The following PSME3IP1 variants were observed in gnomAD, a reference collection of about 807,000 sequenced individuals.
PSME3IP1 encodes proteasome activator subunit 3 interacting protein 1, also known as PSME3-interacting protein.
PSME3IP1 carries 13 observed loss-of-function variants against 34.1 expected under a neutral mutation model. The ratio of observed to expected loss-of-function variants is 0.38; its 90% CI spans 0.25 to 0.61. The LOEUF is 0.61. Among genes scored for constraint, PSME3IP1 ranks in the 20% least tolerant of loss-of-function variants. PSME3IP1 has a pLI of 0.60. For missense variants in PSME3IP1, 237 were observed against 301.4 expected, an observed-to-expected ratio of 0.79 and a Z score of 1.58; for synonymous variants, 93 against 114.3, an observed-to-expected ratio of 0.81 and a Z score of 1.19.
intron 4 of PSME3IP1, among the ~76,000 whole-genome samples, chr16:57,168,698 G>A (rs2072192802): frequency 6.6e-6 from 1 of 150,636 alleles, no homozygotes; most frequent in Non-Finnish European, 1.5e-5. Flanking sequence ...AGCTAGTCGG[G>A]AGGCTGAGCC....
chr16:57,170,351 G>A (rs2072424293), intron 4 of PSME3IP1, among the ~76,000 whole-genome samples: 1 of 152,130 alleles, frequency 6.6e-6, no homozygotes, highest in Non-Finnish European at 1.5e-5. Context: ...CCAAAGTGCT[G>A]GAATCAAAGG....
At chr16:57,186,070 C>T (rs761957647), upstream of PSME3IP1, 8 of 985,392 alleles carry the variant, frequency 8.1e-6, no homozygotes, top group Admixed American at 6.1e-5. Flanking sequence ...GCGACGTAAC[C>T]CAATCCGCGG....
In PSME3IP1 at chr16:57,178,840, A is replaced by G. The variant is rs559371333; in HGVS notation, c.-15-4971T>C. ...ACAGCGTTTTTGTTTGAAGAGTCCAATGGCTGTTTATTCTGCAAGAAAGAG... is the reference window on the plus strand; with the variant it reads ...ACAGCGTTTTTGTTTGAAGAGTCCAGTGGCTGTTTATTCTGCAAGAAAGAG... On this transcript the variant is annotated intron_variant, in intron 1 of 6. Transcript: ENST00000309137. 1.2e-4 allele frequency: 122 copies of G among 984,196 alleles called. No homozygotes were observed. The African/African-American group carries it at 1.3e-3, about 10-fold the overall frequency. 61.0% of individuals were successfully genotyped at this position (984,196 alleles called of 1,614,324 possible).
chr16:57,167,289 C>G, intron 4 of PSME3IP1, 63 bp from the exon 5 acceptor site: 2 of 1,588,514 alleles, frequency 1.3e-6, no homozygotes, highest in Non-Finnish European at 1.7e-6. Flanking sequence ...ACCCACTAGC[C>G]CTTCGGCTGT....
rs1460985504 is a variant in PSME3IP1 at position 57,154,039 on chromosome 16, C to T, written c.*251G>A. The T allele has an allele frequency of 6.6e-6, 3 of 454,096 alleles. No individual in the cohort carries two copies. Among genetic ancestry groups the T allele is most frequent in the African/African-American group, 2.0e-5 (1 of 49,784 alleles). The allele number at this position is 454,096 out of a possible 1,614,324, so 28.1% of individuals were successfully genotyped here. On this transcript the variant is annotated 3_prime_UTR_variant, in exon 7 of 7. Transcript: ENST00000309137. This position sits in a 1 kb window ranked among gnomAD's most constrained non-coding sequence, Gnocchi z 4.0. ...GGAACTTCGGCTGGGCCTTGCCCTC[C>T]TCCCAATATCAGTGAGGAAAGTGGC...
chr16:57,167,247 C>T, intron 4 of PSME3IP1, 21 bp from the exon 5 acceptor site: 1 of 1,614,078 alleles, frequency 6.2e-7, no homozygotes, highest in Non-Finnish European at 8.5e-7. Flanking sequence ...AGTTAAGGGT[C>T]AAACTAAGCA....
intron 3 of PSME3IP1, 110 bp from the exon 4 acceptor site, chr16:57,172,482 A>AG (rs1491093415): frequency 1.3e-5 from 15 of 1,174,932 alleles, no homozygotes; most frequent in Non-Finnish European, 1.8e-5. Context: ...TAAAAAAAAA[A>AG]GAACTGGTAA....
chr16:57,155,846 C>A (rs2070455080), intron 6 of PSME3IP1, among the ~76,000 whole-genome samples: 1 of 151,422 alleles, frequency 6.6e-6, no homozygotes, highest in South Asian at 2.1e-4. Flanking sequence ...GTGGTGCATG[C>A]CTGTGGTCCC....
At chr16:57,178,345 C>T (rs1394968430) in intron 1 of PSME3IP1, among the ~76,000 whole-genome samples, 1 of 152,198 alleles carries the variant, frequency 6.6e-6, no homozygotes, top group African/African-American at 2.4e-5. Context: ...ATATGTATTT[C>T]CTTCCTTTGT....
rs377226435 is a variant in PSME3IP1, at chr16:57,153,206, G to A, written c.*1084C>T. On this transcript the variant is annotated 3_prime_UTR_variant, in exon 7 of 7. Transcript: ENST00000309137. ...ATGAGCCCGTTTCCCTTTATGAGAC[G>A]AGGTGGAGCAGTACCTCTAGTTTTT... 2.0e-5 allele frequency: 3 copies of A among 152,332 alleles called. No homozygotes were observed. The highest frequency in any genetic ancestry group is 1.9e-4 in the East Asian group (1 of 5,198). The allele number at this position is 152,332 out of a possible 1,614,324, so 9.4% of individuals were successfully genotyped here.
In PSME3IP1 at chr16:57,154,232, C is replaced by T. The variant is rs2070231453; in HGVS notation, c.*58G>A. On this transcript the variant is annotated 3_prime_UTR_variant, in exon 7 of 7. Coordinates refer to ENST00000309137, the MANE Select transcript of PSME3IP1 (RefSeq NM_024946.4). This position sits in a 1 kb window ranked among gnomAD's most constrained non-coding sequence, Gnocchi z 4.0. The stretch of plus-strand genomic sequence containing the variant: ...TTTTGAGGGACATAATGCCTATAGG[C>T]AGCATGAACGGTCCGATCTACCCTT... The T allele has an allele frequency of 6.8e-7, 1 of 1,472,686 alleles. No homozygotes were observed. The allele number at this position is 1,472,686 out of a possible 1,614,324, so 91.2% of individuals were successfully genotyped here.
chr16:57,181,197 C>T (rs1174286647), intron 1 of PSME3IP1, among the ~76,000 whole-genome samples: 2 of 152,196 alleles, frequency 1.3e-5, no homozygotes, highest in African/African-American at 4.8e-5. Context: ...CTTAGCTGAT[C>T]CTCATTCACA....
chr16:57,158,791 A>G (rs1366000087), intron 6 of PSME3IP1, among the ~76,000 whole-genome samples: 1 of 152,160 alleles, frequency 6.6e-6, no homozygotes, highest in Non-Finnish European at 1.5e-5. Flanking sequence ...TACTTATACA[A>G]CCTAGATGGT....
At position 57,178,476 on chromosome 16, in the gene PSME3IP1, C is replaced by CTA. The variant is rs1228713096; in HGVS notation, c.-15-4608_-15-4607insTA. ...TTATTATTATTAGCACAGTGTCTGG[C>CTA]ATATATTAGGTATTCAAATACTTAC... On this transcript the variant is annotated intron_variant, in intron 1 of 6. Transcript: ENST00000309137. 8 of 821,818 alleles carry CTA rather than the reference C, an allele frequency of 9.7e-6. No homozygotes were observed. The East Asian group carries it at 7.5e-4, about 77-fold the overall frequency. The allele number at this position is 821,818 out of a possible 1,614,324, so 50.9% of individuals were successfully genotyped here. A position where few individuals can be genotyped will look rare whatever the true frequency, so the allele number is the denominator to read the frequency against.
chr16:57,159,075 A>C (rs1184937093), intron 6 of PSME3IP1, among the ~76,000 whole-genome samples: 1 of 152,236 alleles, frequency 6.6e-6, no homozygotes, highest in Non-Finnish European at 1.5e-5. Flanking sequence ...TTAAAGTTCT[A>C]TTTTACATAG....
chr16:57,172,125 G>T, intron 4 of PSME3IP1, 126 bp downstream of exon 4: 1 of 947,350 alleles, frequency 1.1e-6, no homozygotes, highest in Non-Finnish European at 1.6e-6. Flanking sequence ...AGGAATATCA[G>T]TGTTCAAAGG....
chr16:57,161,641 TA>T (rs1325712282), intron 6 of PSME3IP1, among the ~76,000 whole-genome samples: 1 of 149,668 alleles, frequency 6.7e-6, no homozygotes, highest in Non-Finnish European at 1.5e-5. Flanking sequence ...GCCTCCCGAG[TA>T]GCTGGGACTA....
At chr16:57,173,308 C>T (rs1170868514) in intron 2 of PSME3IP1, among the ~76,000 whole-genome samples, 3 of 152,108 alleles carry the variant, frequency 2.0e-5, no homozygotes, top group Non-Finnish European at 4.4e-5. Context: ...GTGACTTCGC[C>T]CCTGAGTCTC....
chr16:57,182,723 A>G (rs1397410703), intron 1 of PSME3IP1, among the ~76,000 whole-genome samples: 1 of 150,318 alleles, frequency 6.7e-6, no homozygotes, highest in Non-Finnish European at 1.5e-5. Flanking sequence ...CAGCCTGACC[A>G]ACATGGTGAA....
Sources: gnomAD v4.1 joint callset for allele counts (sites outside exome capture counted in the v4.1 genomes callset) on GRCh38, gnomAD v4.1.1 for gene constraint, Gnocchi (gnomAD v3.1) non-coding constraint, MANE v1.5 for transcripts, NCBI Gene and HGNC (gene_info 2026-07-23, HGNC 2026-07-21) for gene names.